The following IQSEC1 variants were observed in gnomAD, a reference collection of about 807,000 sequenced individuals.
IQSEC1 encodes the protein IQ motif and SEC7 domain-containing protein 1.
Under a neutral mutation model 91.0 loss-of-function variants are expected in IQSEC1, and 31 were observed. The observed-to-expected ratio is 0.34, with a 90% confidence interval of 0.26 to 0.46. The LOEUF (loss-of-function observed/expected upper bound fraction) is 0.46. Ranked by LOEUF, IQSEC1 falls within the 20% of genes least tolerant of loss-of-function variation. The pLI is 1.00. For synonymous variants in IQSEC1, 699 were observed against 662.6 expected (o/e 1.05, Z -0.84); for missense variants, 1,388 against 1,575.6 (o/e 0.88, Z 2.02).
chr3:13,047,689 T>A (rs1704551267), intron 1 of IQSEC1, among the ~76,000 whole-genome samples: 1 of 151,480 alleles, frequency 6.6e-6, no homozygotes, highest in Non-Finnish European at 1.5e-5. Flanking sequence ...ACCATGTGCT[T>A]TCTTTCCCCC....
At chr3:13,189,022 C>A (rs1024603981) in intron 1 of IQSEC1, among the ~76,000 whole-genome samples, 2 of 152,226 alleles carry the variant, frequency 1.3e-5, no homozygotes, top group Admixed American at 1.3e-4. Context: ...GAATCTTGGC[C>A]TCTGCCCAGT....
chr3:12,929,758 C>T (rs765396598), intron 3 of IQSEC1, among the ~76,000 whole-genome samples: 13 of 152,332 alleles, frequency 8.5e-5, no homozygotes, highest in Admixed American at 2.6e-4. Context: ...CTGCCTGCAA[C>T]ATTCTCATCA....
chr3:12,989,379 G>T (rs1028326565), intron 1 of IQSEC1, among the ~76,000 whole-genome samples: 1 of 152,198 alleles, frequency 6.6e-6, no homozygotes, highest in African/African-American at 2.4e-5. Context: ...TCCCAAAGGA[G>T]AAAACAGAAA....
chr3:12,988,792 T>C (rs1701859763), intron 1 of IQSEC1, among the ~76,000 whole-genome samples: 1 of 152,150 alleles, frequency 6.6e-6, no homozygotes, highest in African/African-American at 2.4e-5. Context: ...CTTGCACCCT[T>C]CTCTATGACA....
chr3:13,205,549 A>G (rs1319595574), intron 1 of IQSEC1, among the ~76,000 whole-genome samples: 1 of 105,578 alleles, frequency 9.5e-6, no homozygotes, highest in African/African-American at 3.7e-5. Flanking sequence ...CCATCCACCC[A>G]TCCATCCTTC....
chr3:12,899,885 G>A lies in IQSEC1; in HGVS notation c.*1098C>T, dbSNP rs1694054173. 4 of 985,150 alleles carry A rather than the reference G, an allele frequency of 4.1e-6. No individual in the cohort carries two copies. The highest frequency in any genetic ancestry group is 4.8e-6 in the Non-Finnish European group (4 of 829,900). The allele number at this position is 985,150 out of a possible 1,614,324, so 61.0% of individuals were successfully genotyped here. A position where few individuals can be genotyped will look rare whatever the true frequency, so the allele number is the denominator to read the frequency against. On this transcript the variant is annotated 3_prime_UTR_variant, in exon 14 of 14. Coordinates refer to ENST00000613206, the MANE Select transcript of IQSEC1 (RefSeq NM_001134382.3). ...GATGAGAGCTGGTCACTTTCATGTT[G>A]GAGATGAACACTTCTGCCGTGTATG...
intron 2 of IQSEC1, among the ~76,000 whole-genome samples, chr3:13,107,516 C>T (rs751269272): frequency 4.0e-4 from 61 of 152,224 alleles, no homozygotes; most frequent in Middle Eastern, 6.3e-3. Flanking sequence ...AAGTCACTTG[C>T]CCAAGGCCAC....
Position 13,282,379 on chromosome 3 carries a change from G to T in IQSEC1, c.272+332C>A, listed in dbSNP as rs529656398. Reference sequence around the variant, plus strand: ...GAGACCTAGGTCCGCTCCCCGGACAGACCTCCGCCCGGCTCGTCCGAGCCC... The same window carrying T: ...GAGACCTAGGTCCGCTCCCCGGACATACCTCCGCCCGGCTCGTCCGAGCCC... On this transcript the variant is annotated intron_variant, in intron 1 of 15. Transcript: ENST00000648114. This position sits in a 1 kb window ranked among gnomAD's most constrained non-coding sequence, Gnocchi z 6.4. 6.6e-6 allele frequency among the ~76,000 whole-genome samples: 1 copy of T among 152,274 alleles called. No homozygotes were observed.
chr3:12,955,258 G>A (rs1699827219), intron 1 of IQSEC1, among the ~76,000 whole-genome samples: 1 of 152,226 alleles, frequency 6.6e-6, no homozygotes, highest in Admixed American at 6.5e-5. Flanking sequence ...CCTTGAGAAT[G>A]CCCTGGGCTC....
chr3:12,930,351 T>C (rs1170610710), intron 3 of IQSEC1, among the ~76,000 whole-genome samples: 2 of 152,196 alleles, frequency 1.3e-5, no homozygotes, highest in African/African-American at 4.8e-5. Flanking sequence ...CTAAGAGATG[T>C]GGAAGTGGAT....
rs774589168 is a variant in IQSEC1 at position 13,154,438 on chromosome 3, C to CATATATATATATATATATATATAT, written c.302+9642_302+9665dup. On this transcript the variant is annotated intron_variant, in intron 2 of 15. Transcript: ENST00000648114. ...ACACCAGGAAGCTGGAACTTACATGCATATATATATATATATATATATATA... is the reference window on the plus strand; with the variant it reads ...ACACCAGGAAGCTGGAACTTACATGCATATATATATATATATATATATATATATATATATATATATATATATATA... 2.4e-4 allele frequency among the ~76,000 whole-genome samples: 5 copies of CATATATATATATATATATATATAT among 20,758 alleles called. 1 individual carries two copies. The highest frequency in any genetic ancestry group is 4.0e-4 in the Non-Finnish European group (5 of 12,376). The allele number at this position is 20,758 out of a possible 152,430, so 13.6% of individuals were successfully genotyped here.
intron 1 of IQSEC1, among the ~76,000 whole-genome samples, chr3:13,273,930 C>T (rs751384315): frequency 5.3e-5 from 8 of 152,328 alleles, no homozygotes; most frequent in African/African-American, 9.6e-5. Flanking sequence ...ACCTCAACCA[C>T]GCCGCCAGGC....
intron 1 of IQSEC1, among the ~76,000 whole-genome samples, chr3:13,239,416 C>T (rs1025117895): frequency 3.9e-5 from 6 of 152,246 alleles, no homozygotes; most frequent in Admixed American, 2.6e-4. Context: ...CTCACCATCT[C>T]GGGCCTGCTT....
intron 1 of IQSEC1, among the ~76,000 whole-genome samples, chr3:12,976,408 GCA>G (rs1254269137): frequency 6.6e-6 from 1 of 152,198 alleles, no homozygotes; most frequent in Non-Finnish European, 1.5e-5. Flanking sequence ...ACTCAAGGAA[GCA>G]CATCCTCCGG....
chr3:13,081,502 C>G (rs546765808), intron 2 of IQSEC1, among the ~76,000 whole-genome samples: 22 of 152,290 alleles, frequency 1.4e-4, no homozygotes, highest in Non-Finnish European at 2.8e-4. Flanking sequence ...CTCCTGGCAC[C>G]AATGGATCCT....
At chr3:13,202,647 G>A (rs1195804389) in intron 1 of IQSEC1, among the ~76,000 whole-genome samples, 2 of 152,158 alleles carry the variant, frequency 1.3e-5, no homozygotes, top group African/African-American at 4.8e-5. Flanking sequence ...TAGGGAGTCA[G>A]TGTTTCATGG....
chr3:13,266,052 G>T (rs1695484484), intron 1 of IQSEC1, among the ~76,000 whole-genome samples: 1 of 151,406 alleles, frequency 6.6e-6, no homozygotes, highest in South Asian at 2.1e-4. Context: ...AAATGATCAT[G>T]ACCGAGGTCC....
At position 12,967,310 on chromosome 3, in the gene IQSEC1, C is replaced by G; in HGVS notation, c.24-25445G>C. The stretch of plus-strand genomic sequence containing the variant: ...GTCCCGACGGTCACCCGCACTCCCG[C>G]ACAGGCATCCCCACAGCCTGCGCCA... On this transcript the variant is annotated intron_variant, in intron 1 of 13. Coordinates refer to ENST00000613206, the MANE Select transcript of IQSEC1 (RefSeq NM_001134382.3). This position sits in a 1 kb window ranked among gnomAD's most constrained non-coding sequence, Gnocchi z 5.9. 1 of 1,316,588 alleles carries G rather than the reference C, an allele frequency of 7.6e-7. No individual in the cohort carries two copies. The highest frequency in any genetic ancestry group is 1.0e-6 in the Non-Finnish European group (1 of 965,136). 81.6% of individuals were successfully genotyped at this position (1,316,588 alleles called of 1,614,324 possible).
At chr3:13,171,773 C>T (rs1426607331) in intron 1 of IQSEC1, among the ~76,000 whole-genome samples, 1 of 152,158 alleles carries the variant, frequency 6.6e-6, no homozygotes, top group East Asian at 1.9e-4. Context: ...CCTCCCTCTC[C>T]CTGGGGCCAG....
Sources: allele counts gnomAD v4.1 joint callset (sites outside exome capture counted in the v4.1 genomes callset), GRCh38; gene constraint gnomAD v4.1.1; non-coding constraint Gnocchi (gnomAD v3.1); transcripts MANE v1.5; gene names NCBI Gene and HGNC (gene_info 2026-07-23, HGNC 2026-07-21).